The following PUM1 variants were observed in gnomAD, a reference collection of about 807,000 sequenced individuals.
PUM1 encodes the protein pumilio homolog 1.
Under a neutral mutation model 131.8 loss-of-function variants are expected in PUM1, and 13 were observed. That is an observed-to-expected ratio of 0.10 (90% CI 0.06 to 0.16). The LOEUF (loss-of-function observed/expected upper bound fraction) is 0.16. Among genes scored for constraint, PUM1 ranks in the 10% least tolerant of loss-of-function variants. The pLI is 1.00. For synonymous variants in PUM1, 509 were observed against 556.5 expected (o/e 0.91, Z 1.20); for missense variants, 961 against 1,512.4 (o/e 0.64, Z 6.05).
intron 18 of PUM1, 54 bp downstream of exon 18, chr1:30,945,292 C>T (rs1639625291): frequency 4.4e-6 from 7 of 1,589,552 alleles, no homozygotes; most frequent in Non-Finnish European, 6.0e-6. Flanking sequence ...ACTCTGTTTT[C>T]TGCTCACAAA....
At chr1:31,047,541 G>C (rs1472353622) in intron 2 of PUM1, among the ~76,000 whole-genome samples, 2 of 152,224 alleles carry the variant, frequency 1.3e-5, no homozygotes, top group African/African-American at 2.4e-5. Flanking sequence ...CTCAGGCTTA[G>C]CCTGCAGAGT....
intron 5 of PUM1, among the ~76,000 whole-genome samples, chr1:30,999,578 G>A (rs1642119745): frequency 8.4e-6 from 1 of 118,792 alleles, no homozygotes; most frequent in Admixed American, 1.2e-4. Flanking sequence ...CTGCACTCCA[G>A]CCTGGGTGAC....
intron 14 of PUM1, among the ~76,000 whole-genome samples, chr1:30,963,695 A>G (rs1447311443): frequency 2.0e-5 from 3 of 152,164 alleles, no homozygotes; most frequent in Non-Finnish European, 4.4e-5. Context: ...GCCACTTTTA[A>G]TCTTGCTGGT....
intron 2 of PUM1, among the ~76,000 whole-genome samples, chr1:31,049,391 C>T (rs560463884): frequency 1.3e-5 from 2 of 151,906 alleles, no homozygotes; most frequent in African/African-American, 4.8e-5. Flanking sequence ...TAGCATGTGC[C>T]GGTAATCCCA....
intron 3 of PUM1, among the ~76,000 whole-genome samples, chr1:31,012,925 TC>T (rs1171639687): frequency 6.6e-6 from 1 of 152,216 alleles, no homozygotes; most frequent in Non-Finnish European, 1.5e-5. Flanking sequence ...GTGAATTTTA[TC>T]CTCTTCTGCT....
chr1:30,934,594 T>C (rs1454805979), intron 21 of PUM1, among the ~76,000 whole-genome samples: 1 of 152,212 alleles, frequency 6.6e-6, no homozygotes, highest in East Asian at 1.9e-4. Context: ...TTCACCTCCC[T>C]TAAACTCACC....
rs1644318813 is a variant in PUM1 at position 31,059,330 on chromosome 1, A to G, written c.237T>C (p.Ala79=). ...GCCTCTGAAAGAAGTAGTCCACCAT[A>G]GCGTCGTCCTGGGAACGGCCTGCAA... ...IGVAGRSQDD[A]MVDYFFQRQH... The change falls in exon 2 of 22, where the codon GCT becomes GCC. Residue 79 remains alanine, a synonymous_variant. Transcript: ENST00000426105. 6.2e-7 allele frequency: 1 copy of G among 1,614,124 alleles called. No homozygotes were observed. Among genetic ancestry groups the G allele is most frequent in the African/African-American group, 1.3e-5 (1 of 75,020 alleles).
chr1:30,955,627 C>T (rs1640132060), intron 14 of PUM1, among the ~76,000 whole-genome samples: 1 of 152,120 alleles, frequency 6.6e-6, no homozygotes, highest in African/African-American at 2.4e-5. Context: ...AGAAATATTA[C>T]ATAAACCACA....
At chr1:31,019,115 G>C (rs1557588852) in intron 3 of PUM1, among the ~76,000 whole-genome samples, 1 of 152,174 alleles carries the variant, frequency 6.6e-6, no homozygotes, top group Admixed American at 6.5e-5. Flanking sequence ...CTCTTTGGGA[G>C]GCTGAGGCGA....
chr1:31,046,489 GTTTTT>G (rs60794285), intron 2 of PUM1, among the ~76,000 whole-genome samples: 1 of 136,628 alleles, frequency 7.3e-6, no homozygotes, highest in Non-Finnish European at 1.6e-5. Context: ...GGGTTTTTGG[GTTTTT>G]TTTTTTTGTT....
chr1:31,036,627 AG>A (rs1314879526), intron 2 of PUM1: 1 of 152,244 alleles, frequency 6.6e-6, no homozygotes, highest in Non-Finnish European at 1.5e-5. Flanking sequence ...ACAGCAGGGG[AG>A]GCAGGGATTC....
chr1:30,966,196 T>C lies in PUM1; in HGVS notation c.1872A>G (p.Gly624=). The change falls in exon 13 of 22, where the codon GGA becomes GGG. Residue 624 remains glycine (G), a synonymous_variant. Coordinates refer to ENST00000426105, the MANE Select transcript of PUM1 (RefSeq NM_001020658.2). ...GGGGCTGGGGCTGAGGCTGCTGTGT[T>C]CCTAAAGGGCGAAATGGTCCATTTG... ...GTTNGPFRPL[G]TQQPQPQPQQ... is the part of the protein sequence containing the mutation. 5 of 1,614,064 alleles carry C rather than the reference T, an allele frequency of 3.1e-6. No homozygotes were observed. Among genetic ancestry groups the C allele is most frequent in the Non-Finnish European group, 4.2e-6 (5 of 1,179,992 alleles).
chr1:30,931,879 T>A lies in PUM1; in HGVS notation c.*1332A>T, dbSNP rs544550888. The A allele has an allele frequency of 6.5e-6, 1 of 152,718 alleles. No individual in the cohort carries two copies. The highest frequency in any genetic ancestry group is 2.1e-4 in the South Asian group (1 of 4,826). The allele number at this position is 152,718 out of a possible 1,614,324, so 9.5% of individuals were successfully genotyped here. A position where few individuals can be genotyped will look rare whatever the true frequency, so the allele number is the denominator to read the frequency against. On this transcript the variant is annotated 3_prime_UTR_variant, in exon 22 of 22. Coordinates refer to ENST00000426105, the MANE Select transcript of PUM1 (RefSeq NM_001020658.2). ...TCGGGCAAGGCTAGACTTTTGCACG[T>A]CCTTTTGACTGTCACAAAATCAAAA...
intron 21 of PUM1, 99 bp from the exon 22 acceptor site, chr1:30,933,441 C>CAT (rs1444797305): frequency 3.2e-4 from 47 of 146,928 alleles, no homozygotes; most frequent in African/African-American, 9.5e-4. Flanking sequence ...CACACACATA[C>CAT]ACACACACAC....
chr1:30,948,471 C>T (rs981359793), intron 17 of PUM1, among the ~76,000 whole-genome samples: 9 of 151,952 alleles, frequency 5.9e-5, no homozygotes, highest in African/African-American at 1.9e-4. Context: ...ACACAGGAAA[C>T]AACGACAGCT....
intron 6 of PUM1, 45 bp from the exon 7 acceptor site, chr1:30,992,705 G>A (rs760800419): frequency 1.3e-5 from 20 of 1,564,914 alleles, no homozygotes; most frequent in South Asian, 8.3e-5. Flanking sequence ...TTTCAGTGGG[G>A]AGGGACTACA....
At chr1:31,053,237 T>G (rs1644155125) in intron 2 of PUM1, among the ~76,000 whole-genome samples, 1 of 151,010 alleles carries the variant, frequency 6.6e-6, no homozygotes, top group Non-Finnish European at 1.5e-5. Flanking sequence ...CCTGACCTCG[T>G]GATCCACCTG....
At chr1:31,062,539 G>C (rs1644391869) in intron 1 of PUM1, among the ~76,000 whole-genome samples, 3 of 150,180 alleles carry the variant, frequency 2.0e-5, no homozygotes, top group Non-Finnish European at 4.4e-5. Context: ...AGAATCGCTT[G>C]AACCCAGGAG....
chr1:31,026,021 G>A (rs1004768785), intron 3 of PUM1, among the ~76,000 whole-genome samples: 1 of 152,162 alleles, frequency 6.6e-6, no homozygotes, highest in Non-Finnish European at 1.5e-5. Flanking sequence ...GGGAGGCCAA[G>A]GCAGGCGACT....
Sources: gnomAD v4.1 joint callset for allele counts (sites outside exome capture counted in the v4.1 genomes callset) on GRCh38, gnomAD v4.1.1 for gene constraint, MANE v1.5 for transcripts, NCBI Gene and HGNC (gene_info 2026-07-23, HGNC 2026-07-21) for gene names.